Variants in MED13L observed in about 807,000 individuals in gnomAD.
The protein encoded by MED13L is mediator of RNA polymerase II transcription subunit 13-like.
In MED13L, 7 loss-of-function variants were observed where a neutral mutation model predicts 220.9. The ratio of observed to expected loss-of-function variants is 0.03; its 90% CI spans 0.02 to 0.06. The LOEUF (loss-of-function observed/expected upper bound fraction) is 0.06. Ranked by LOEUF, MED13L falls within the 10% of genes least tolerant of loss-of-function variation. The probability of loss-of-function intolerance (pLI) is 1.00; values close to 1 mark genes in which losing one functional copy is unlikely to be tolerated. For synonymous variants in MED13L, 1,011 were observed against 1,015.2 expected, an observed-to-expected ratio of 1.00 and a Z score of 0.08; for missense variants, 1,965 against 2,760.5, an observed-to-expected ratio of 0.71 and a Z score of 6.46.
rs200184957 is a variant in MED13L at position 116,019,809 on chromosome 12, A to G, written c.789T>C (p.Asp263=). The change falls in exon 6 of 31, where the codon GAT becomes GAC. Residue 263 remains aspartate (D), a synonymous_variant. Transcript: ENST00000281928. ...SKEEDELGYD[D]DFPVAVEVIV... ...TTACTTCAACTGCCACAGGGAAATCATCATCATATCCCAACTCGTCTTCCT... is the reference window on the plus strand; with the variant it reads ...TTACTTCAACTGCCACAGGGAAATCGTCATCATATCCCAACTCGTCTTCCT... 19 of 1,614,046 alleles carry G rather than the reference A, an allele frequency of 1.2e-5. No individual in the cohort carries two copies. The Admixed American group carries it at 2.5e-4, about 21-fold the overall frequency.
rs185405573 is a variant in MED13L at position 116,070,709 on chromosome 12, A to C, written c.479+25960T>G. Reference sequence around the variant, plus strand: ...GCCCTTAAAGATGGTCTTGATTGAGACAGCATATAAAGTACACAAGTACAT... The same window carrying C: ...GCCCTTAAAGATGGTCTTGATTGAGCCAGCATATAAAGTACACAAGTACAT... On this transcript the variant is annotated intron_variant, in intron 4 of 30. Coordinates refer to ENST00000281928, the MANE Select transcript of MED13L (RefSeq NM_015335.5). Among the ~76,000 whole-genome samples, 8 of 152,332 alleles carry C rather than the reference A, an allele frequency of 5.3e-5. No individual in the cohort carries two copies. In the East Asian group the frequency reaches 9.6e-4, roughly 18 times the overall value.
At chr12:116,215,580 A>C (rs1470166130) in intron 2 of MED13L, among the ~76,000 whole-genome samples, 2 of 152,200 alleles carry the variant, frequency 1.3e-5, no homozygotes, top group African/African-American at 4.8e-5. Context: ...TTCTACATCC[A>C]TAATGCCTCG....
At chr12:116,015,045 T>C in intron 8 of MED13L, 64 bp downstream of exon 8, 2 of 1,513,784 alleles carry the variant, frequency 1.3e-6, no homozygotes, top group Admixed American at 3.3e-5. Context: ...GATTGACATT[T>C]TCCAGGTAGC....
At chr12:116,082,091 T>C (rs1400559639) in intron 4 of MED13L, among the ~76,000 whole-genome samples, 1 of 152,196 alleles carries the variant, frequency 6.6e-6, no homozygotes, top group Non-Finnish European at 1.5e-5. Flanking sequence ...ATGGCAATAT[T>C]TGTATAATTA....
intron 4 of MED13L, among the ~76,000 whole-genome samples, chr12:116,095,108 G>A (rs1028365100): frequency 5.3e-5 from 8 of 152,132 alleles, no homozygotes; most frequent in African/African-American, 1.9e-4. Flanking sequence ...GTTGCAGTGA[G>A]CCGAGATCAC....
At chr12:116,259,234 T>G (rs1872311135) in intron 1 of MED13L, among the ~76,000 whole-genome samples, 2 of 152,124 alleles carry the variant, frequency 1.3e-5, no homozygotes, top group Non-Finnish European at 2.9e-5. Context: ...TAAAAATACT[T>G]GAAGACAATG....
At chr12:116,068,114 G>A (rs1321380958) in intron 4 of MED13L, among the ~76,000 whole-genome samples, 1 of 152,156 alleles carries the variant, frequency 6.6e-6, no homozygotes, top group Middle Eastern at 3.2e-3. Context: ...CACCAACAAT[G>A]AGCAAGCATA....
At chr12:115,999,806 A>G (rs1466772779) in intron 14 of MED13L, among the ~76,000 whole-genome samples, 1 of 152,164 alleles carries the variant, frequency 6.6e-6, no homozygotes, top group Admixed American at 6.5e-5. Context: ...CATATATCTC[A>G]GTTTTCAAAG....
At position 116,078,141 on chromosome 12, in the gene MED13L, C is replaced by CAAA. The variant is rs924705816; in HGVS notation, c.479+18525_479+18527dup. On this transcript the variant is annotated intron_variant, in intron 4 of 30. Coordinates refer to ENST00000281928, the MANE Select transcript of MED13L (RefSeq NM_015335.5). The stretch of plus-strand genomic sequence containing the variant: ...TGGGCGACAGAGTAAGACTCTGTCT[C>CAAA]AAAAAAAAAAAAAAAAAAAGGAAGG... Among the ~76,000 whole-genome samples, 130 of 58,712 alleles carry CAAA rather than the reference C, an allele frequency of 2.2e-3. 2 individuals carry two copies. The highest frequency in any genetic ancestry group is 7.6e-3 in the African/African-American group (122 of 16,034). 38.5% of individuals were successfully genotyped at this position (58,712 alleles called of 152,430 possible). A position where few individuals can be genotyped will look rare whatever the true frequency, so the allele number is the denominator to read the frequency against.
intron 4 of MED13L, among the ~76,000 whole-genome samples, chr12:116,046,624 G>A (rs995523463): frequency 6.6e-6 from 1 of 152,198 alleles, no homozygotes; most frequent in African/African-American, 2.4e-5. Context: ...GGCAAAATCA[G>A]TGTAATATTT....
chr12:116,018,203 G>A (rs573242154), intron 7 of MED13L, among the ~76,000 whole-genome samples: 4 of 152,234 alleles, frequency 2.6e-5, no homozygotes, highest in African/African-American at 4.8e-5. Context: ...GAAAAACTAC[G>A]AGAATTAAAT....
chr12:116,145,556 T>C (rs1877417073), intron 2 of MED13L, among the ~76,000 whole-genome samples: 1 of 152,076 alleles, frequency 6.6e-6, no homozygotes, highest in Non-Finnish European at 1.5e-5. Flanking sequence ...AGTGCAGTGG[T>C]GCGATCATAG....
chr12:116,036,613 T>C (rs566143663), intron 4 of MED13L, among the ~76,000 whole-genome samples: 1 of 152,232 alleles, frequency 6.6e-6, no homozygotes, highest in Non-Finnish European at 1.5e-5. Flanking sequence ...ATTCGGATAA[T>C]TGTATCTAAA....
In MED13L at chr12:115,959,613, T is replaced by G. The variant is rs904272538; in HGVS notation, c.*1653A>C. ...TAAAGTCAATTTTACACTGTACACA[T>G]TAGATACAAATGGTTTGATATATCA... On this transcript the variant is annotated 3_prime_UTR_variant, in exon 31 of 31. Transcript: ENST00000281928. The G allele has an allele frequency of 1.3e-5, 2 of 152,596 alleles. No homozygotes were observed. Among genetic ancestry groups the G allele is most frequent in the Non-Finnish European group, 2.9e-5 (2 of 68,016 alleles). 9.5% of individuals were successfully genotyped at this position (152,596 alleles called of 1,614,324 possible).
At chr12:115,971,297 C>T (rs1004090058) in intron 26 of MED13L, among the ~76,000 whole-genome samples, 45 of 152,142 alleles carry the variant, frequency 3.0e-4, no homozygotes, top group East Asian at 1.9e-4. Context: ...AAAGAAGTTA[C>T]GTAACTGCCC....
At chr12:116,030,435 A>G (rs983755065) in intron 4 of MED13L, among the ~76,000 whole-genome samples, 1 of 152,222 alleles carries the variant, frequency 6.6e-6, no homozygotes, top group Admixed American at 6.5e-5. Context: ...AATCTACCAG[A>G]AACAGTACTT....
chr12:116,220,078 G>A (rs1223060817), intron 2 of MED13L, among the ~76,000 whole-genome samples: 1 of 152,038 alleles, frequency 6.6e-6, no homozygotes, highest in Non-Finnish European at 1.5e-5. Flanking sequence ...TTACAGGTGT[G>A]AGCCACCGCA....
At chr12:116,043,035 A>T (rs1477284968) in intron 4 of MED13L, among the ~76,000 whole-genome samples, 2 of 152,130 alleles carry the variant, frequency 1.3e-5, no homozygotes, top group Non-Finnish European at 2.9e-5. Flanking sequence ...GTAACATTTA[A>T]CTTCTTTCTG....
intron 2 of MED13L, among the ~76,000 whole-genome samples, chr12:116,151,261 G>A (rs186740160): frequency 2.6e-5 from 4 of 152,102 alleles, no homozygotes; most frequent in East Asian, 1.9e-4. Flanking sequence ...TCATAAGGAC[G>A]TCAATTTTCA....
Sources: gnomAD v4.1 joint callset for allele counts (sites outside exome capture counted in the v4.1 genomes callset) on GRCh38, gnomAD v4.1.1 for gene constraint, MANE v1.5 for transcripts, NCBI Gene and HGNC (gene_info 2026-07-23, HGNC 2026-07-21) for gene names.